PCDHGB3: variants seen among roughly 807,000 people sequenced by gnomAD.
The protein encoded by PCDHGB3 is protocadherin gamma subfamily B, 3, also known as protocadherin gamma-B3.
A neutral mutation model predicts 59.2 loss-of-function variants in PCDHGB3; 40 were observed. That is an observed-to-expected ratio of 0.68 (90% CI 0.52 to 0.88). PCDHGB3 has a LOEUF of 0.88. PCDHGB3 is among the 40% of genes least tolerant of loss of function. The pLI, the probability that PCDHGB3 is intolerant of heterozygous loss-of-function variation, is 0.00. For synonymous variants in PCDHGB3, 581 were observed against 503.6 expected (o/e 1.15, Z -2.06); for missense variants, 1,309 against 1,187.9 (o/e 1.10, Z -1.50).
intron 1 of PCDHGB3, chr5:141,389,284 C>G (rs1227474648): frequency 1.1e-5 from 17 of 1,613,930 alleles, no homozygotes; most frequent in Admixed American, 1.7e-5. Flanking sequence ...CCGCCTGGAG[C>G]CTCTATTTCA....
At chr5:141,507,724 G>A (rs2099862962) in intron 3 of PCDHGB3, among the ~76,000 whole-genome samples, 1 of 152,256 alleles carries the variant, frequency 6.6e-6, no homozygotes. Context: ...CTCCAAGCAA[G>A]TCATGCAGCT....
intron 1 of PCDHGB3, chr5:141,389,993 G>T: frequency 6.2e-7 from 1 of 1,614,016 alleles, no homozygotes; most frequent in Non-Finnish European, 8.5e-7. Flanking sequence ...TCTTCCTCGT[G>T]GCCATGATTC....
intron 2 of PCDHGB3, 91 bp from the exon 3 acceptor site, chr5:141,505,302 G>T: frequency 6.3e-7 from 1 of 1,592,714 alleles, no homozygotes; most frequent in Non-Finnish European, 8.5e-7. Context: ...TAGGGTTAGG[G>T]TACTAGGTTT....
chr5:141,433,374 T>A (rs948922353), intron 1 of PCDHGB3, among the ~76,000 whole-genome samples: 36 of 150,958 alleles, frequency 2.4e-4, no homozygotes, highest in African/African-American at 8.6e-4. Flanking sequence ...TATCTATCTA[T>A]CTATCTATCT....
At chr5:141,430,575 A>G in intron 1 of PCDHGB3, 2 of 455,822 alleles carry the variant, frequency 4.4e-6, no homozygotes, top group East Asian at 3.5e-5. Flanking sequence ...AAAAGCGGAG[A>G]TCCTGCTCGC....
intron 1 of PCDHGB3, chr5:141,392,933 C>A: frequency 6.2e-7 from 1 of 1,613,930 alleles, no homozygotes; most frequent in Non-Finnish European, 8.5e-7. Flanking sequence ...AAGAGACGGA[C>A]AAAGGCTCCT....
intron 1 of PCDHGB3, among the ~76,000 whole-genome samples, chr5:141,434,259 G>A (rs1452016594): frequency 6.6e-6 from 1 of 152,230 alleles, no homozygotes; most frequent in Non-Finnish European, 1.5e-5. Flanking sequence ...CATTGTGGGG[G>A]AGGTGGAAAT....
At chr5:141,410,527 C>T (rs1398639610) in intron 1 of PCDHGB3, 1 of 1,613,920 alleles carries the variant, frequency 6.2e-7, no homozygotes, top group East Asian at 2.2e-5. Context: ...CCCTACATTC[C>T]AATGAAGACA....
At chr5:141,388,827 A>T (rs376001893) in intron 1 of PCDHGB3, 4 of 1,614,024 alleles carry the variant, frequency 2.5e-6, no homozygotes, top group Non-Finnish European at 2.5e-6. Flanking sequence ...AGAATATTCC[A>T]TAGTTTTGGA....
chr5:141,374,979 G>A (rs777674539), intron 1 of PCDHGB3: 31 of 1,613,984 alleles, frequency 1.9e-5, no homozygotes, highest in Non-Finnish European at 2.5e-5. Flanking sequence ...GTTTTGACTG[G>A]AGAAATTTCA....
At chr5:141,394,140 G>T (rs2092926485) in intron 1 of PCDHGB3, 1 of 1,613,868 alleles carries the variant, frequency 6.2e-7, no homozygotes, top group Non-Finnish European at 8.5e-7. Flanking sequence ...TCTGCACGTG[G>T]CAGACATTAA....
At chr5:141,397,626 C>G (rs539348100) in intron 1 of PCDHGB3, among the ~76,000 whole-genome samples, 27 of 152,256 alleles carry the variant, frequency 1.8e-4, no homozygotes, top group Middle Eastern at 3.4e-3. Context: ...TTAGTTCTAG[C>G]TAAGAGTTCA....
intron 1 of PCDHGB3, among the ~76,000 whole-genome samples, chr5:141,438,828 A>T (rs1364963084): frequency 6.7e-6 from 1 of 149,956 alleles, no homozygotes; most frequent in Non-Finnish European, 1.5e-5. Context: ...TGCCCAGCTA[A>T]TTTTTTAAAA....
intron 1 of PCDHGB3, chr5:141,412,235 A>T (rs2095544372): frequency 6.6e-6 from 1 of 152,260 alleles, no homozygotes. Flanking sequence ...AAAAACCTAT[A>T]TCACTACATC....
intron 1 of PCDHGB3, among the ~76,000 whole-genome samples, chr5:141,474,432 C>T (rs1050895539): frequency 6.6e-6 from 1 of 152,214 alleles, no homozygotes; most frequent in Non-Finnish European, 1.5e-5. Context: ...GGTCCTCACA[C>T]TTTGAGTAGC....
intron 1 of PCDHGB3, among the ~76,000 whole-genome samples, chr5:141,454,195 T>A (rs1295815862): frequency 1.3e-5 from 2 of 152,136 alleles, no homozygotes; most frequent in Admixed American, 1.3e-4. Flanking sequence ...TTAGTGAAGG[T>A]GAATTTATTG....
At position 141,487,235 on chromosome 5, in the gene PCDHGB3, C is replaced by A. The variant is rs752316565; in HGVS notation, c.2416-7572C>A. ...TTCAGCTCCAAGGGAAGGAGAATCT[C>A]GTCTAACCCTCTACTTGGCTGTGTC... On this transcript the variant is annotated intron_variant, in intron 1 of 3. Coordinates refer to ENST00000576222, the MANE Select transcript of PCDHGB3 (RefSeq NM_018924.5). This position sits in a 1 kb window ranked among gnomAD's most constrained non-coding sequence, Gnocchi z 5.0. 11 of 1,614,126 alleles carry A rather than the reference C, an allele frequency of 6.8e-6. No homozygotes were observed. The highest frequency in any genetic ancestry group is 7.6e-6 in the Non-Finnish European group (9 of 1,179,994).
At position 141,432,580 on chromosome 5, in the gene PCDHGB3, T is replaced by C. The variant is rs773087131; in HGVS notation, c.2415+59771T>C. 20 of 1,613,202 alleles carry C rather than the reference T, an allele frequency of 1.2e-5. No individual in the cohort carries two copies. The highest frequency in any genetic ancestry group is 4.0e-5 in the African/African-American group (3 of 74,662). On this transcript the variant is annotated intron_variant, in intron 1 of 3. Transcript: ENST00000576222. The surrounding 1 kb of genome is among the most constrained non-coding windows in gnomAD (Gnocchi z 6.0). ...GCCAGAACGCCTGGCTGTCCTACCG[T>C]CTGCTCAAGGCCAGCGAGCCGGGAC... is the stretch of plus-strand genomic sequence containing the variant.
At chr5:141,423,757 G>C (rs562479446) in intron 1 of PCDHGB3, 29 of 395,138 alleles carry the variant, frequency 7.3e-5, no homozygotes, top group African/African-American at 6.1e-4. Flanking sequence ...GTTTGGGGGG[G>C]GGGTGGGGCG....
Sources: gnomAD v4.1 joint callset for allele counts (sites outside exome capture counted in the v4.1 genomes callset) on GRCh38, gnomAD v4.1.1 for gene constraint, Gnocchi (gnomAD v3.1) non-coding constraint, MANE v1.5 for transcripts, NCBI Gene and HGNC (gene_info 2026-07-23, HGNC 2026-07-21) for gene names.